The following SYNJ2 variants were observed in gnomAD, a reference collection of about 807,000 sequenced individuals.
SYNJ2 encodes polyphosphatidylinositol phosphatase SYNJ2.
SYNJ2 carries 116 observed loss-of-function variants against 141.3 expected under a neutral mutation model. The ratio of observed to expected loss-of-function variants is 0.82; its 90% CI spans 0.71 to 0.96. The LOEUF (loss-of-function observed/expected upper bound fraction) is 0.96. Ranked by LOEUF, SYNJ2 falls within the 40% of genes least tolerant of loss-of-function variation. The probability of loss-of-function intolerance (pLI) is 0.00; values close to 1 mark genes in which losing one functional copy is unlikely to be tolerated. For missense variants in SYNJ2, 1,873 were observed against 1,934.8 expected (o/e 0.97, Z 0.60); for synonymous variants, 745 against 777.7 (o/e 0.96, Z 0.70).
In SYNJ2 at chr6:158,070,313, C is replaced by T. The variant is rs1781839704; in HGVS notation, c.1940+640C>T. On this transcript the variant is annotated intron_variant, in intron 14 of 26. Coordinates refer to ENST00000355585, the MANE Select transcript of SYNJ2 (RefSeq NM_003898.4). The surrounding 1 kb of genome is among the most constrained non-coding windows in gnomAD (Gnocchi z 4.0). ...CTGGCAGCAGGCGTTGAACTGACCT[C>T]CCCACTGAGCCCCTGGGTCCCGGGA... 4 of 985,452 alleles carry T rather than the reference C, an allele frequency of 4.1e-6. No homozygotes were observed. The South Asian group carries it at 1.9e-4, about 46-fold the overall frequency. 61.0% of individuals were successfully genotyped at this position (985,452 alleles called of 1,614,324 possible). A position where few individuals can be genotyped will look rare whatever the true frequency, so the allele number is the denominator to read the frequency against.
intron 5 of SYNJ2, among the ~76,000 whole-genome samples, chr6:158,051,485 G>A (rs1434826321): frequency 1.3e-5 from 2 of 151,826 alleles, no homozygotes; most frequent in African/African-American, 4.8e-5. Flanking sequence ...AAGGACAGAG[G>A]TAACACAGGC....
intron 2 of SYNJ2, among the ~76,000 whole-genome samples, chr6:158,020,524 G>A (rs1778711928): frequency 6.8e-6 from 1 of 147,976 alleles, no homozygotes; most frequent in Non-Finnish European, 1.5e-5. Context: ...CTCCAACTGT[G>A]TACTGACTCT....
chr6:158,074,685 T>C lies in SYNJ2; in HGVS notation c.2239T>C (p.Trp747Arg). 2.5e-6 allele frequency: 4 copies of C among 1,614,044 alleles called. No homozygotes were observed. The highest frequency in any genetic ancestry group is 3.4e-6 in the Non-Finnish European group (4 of 1,179,984). Reference sequence around the variant, plus strand: ...CTTCTATTTTGTTAAACGCCAAGACTGGAAGAAACTTCTGGAATTTGATCA... The same window carrying C: ...CTTCTATTTTGTTAAACGCCAAGACCGGAAGAAACTTCTGGAATTTGATCA... The part of the protein sequence containing the change: ...EVFYFVKRQD[W>R]KKLLEFDQLQ... Residue 747 changes from tryptophan (W) to arginine (R), a missense_variant, in exon 16 of 27, where the codon TGG (tryptophan) becomes CGG (arginine). Trp to Arg is a moderately radical substitution (Grantham distance 101, BLOSUM62 -3). Transcript: ENST00000355585.
intron 5 of SYNJ2, among the ~76,000 whole-genome samples, chr6:158,045,965 C>T (rs1780214898): frequency 1.3e-5 from 2 of 151,992 alleles, no homozygotes; most frequent in Admixed American, 1.3e-4. Context: ...GTTTTTGAGA[C>T]GAAGTCTTGC....
In SYNJ2 at chr6:158,096,270, A is replaced by T; in HGVS notation, c.4397A>T (p.Asp1466Val). The change falls in exon 27 of 27, where the codon GAT (aspartate) becomes GTT (valine). Residue 1466 changes from aspartate to valine, a missense_variant. Coordinates refer to ENST00000355585, the MANE Select transcript of SYNJ2 (RefSeq NM_003898.4). ...GCTGCCAAGGCAGAGCTGCCACCAG[A>T]TCATGAACACAAAACCTTAGGTCAC... is the stretch of plus-strand genomic sequence containing the variant. ...ASAAKAELPPDHEHKTLGHWV... is the reference protein window; with the variant it reads ...ASAAKAELPPVHEHKTLGHWV... The T allele has an allele frequency of 6.2e-7, 1 of 1,614,232 alleles. No individual in the cohort carries two copies. The highest frequency in any genetic ancestry group is 8.5e-7 in the Non-Finnish European group (1 of 1,180,050).
chr6:158,098,847 T>A lies in SYNJ2; in HGVS notation c.*2483T>A, dbSNP rs1783917265. 1 of 152,246 alleles carries A rather than the reference T, an allele frequency of 6.6e-6. No individual in the cohort carries two copies. The allele number at this position is 152,246 out of a possible 1,614,324, so 9.4% of individuals were successfully genotyped here. On this transcript the variant is annotated 3_prime_UTR_variant, in exon 27 of 27. Coordinates refer to ENST00000355585, the MANE Select transcript of SYNJ2 (RefSeq NM_003898.4). ...CTCTGACCCCAAGCCTAGTCCCTTT[T>A]ACATCACCATCTTCTCAGACTTCTT...
chr6:158,069,460 G>A, intron 13 of SYNJ2, 73 bp from the exon 14 acceptor site: 1 of 1,548,360 alleles, frequency 6.5e-7, no homozygotes, highest in Non-Finnish European at 8.8e-7. Context: ...GCTTGGGCTG[G>A]AGCATTTGGT....
chr6:158,096,464 A>T lies in SYNJ2; in HGVS notation c.*100A>T, dbSNP rs2128405005. 1 of 1,377,202 alleles carries T rather than the reference A, an allele frequency of 7.3e-7. No homozygotes were observed. Among genetic ancestry groups the T allele is most frequent in the Non-Finnish European group, 9.7e-7 (1 of 1,031,380 alleles). The allele number at this position is 1,377,202 out of a possible 1,614,324, so 85.3% of individuals were successfully genotyped here. A position where few individuals can be genotyped will look rare whatever the true frequency, so the allele number is the denominator to read the frequency against. On this transcript the variant is annotated 3_prime_UTR_variant, in exon 27 of 27. Coordinates refer to ENST00000355585, the MANE Select transcript of SYNJ2 (RefSeq NM_003898.4). ...ACATCTATTTAAAGGCACACTGGCC[A>T]AAACGTTTGTGCATCTGTCACTCTC...
In SYNJ2 at chr6:157,983,910, C is replaced by A. The variant is rs531145761; in HGVS notation, c.127+1822C>A. ...TGGCACAGTCACAGCCCACTGCAGCCTCAACTTCCCAGGCTCAAGCGATCC... is the reference window on the plus strand; with the variant it reads ...TGGCACAGTCACAGCCCACTGCAGCATCAACTTCCCAGGCTCAAGCGATCC... On this transcript the variant is annotated intron_variant, in intron 1 of 26. Coordinates refer to ENST00000355585, the MANE Select transcript of SYNJ2 (RefSeq NM_003898.4). 9.9e-5 allele frequency among the ~76,000 whole-genome samples: 15 copies of A among 152,254 alleles called. No homozygotes were observed. The East Asian group carries it at 2.9e-3, about 29-fold the overall frequency.
intron 10 of SYNJ2, 27 bp downstream of exon 10, chr6:158,064,777 G>C (rs1781455032): frequency 6.2e-7 from 1 of 1,611,920 alleles, no homozygotes; most frequent in Non-Finnish European, 8.5e-7. Flanking sequence ...GGGGCAGGGT[G>C]GGGGCCCCAG....
At position 158,076,800 on chromosome 6, in the gene SYNJ2, G is replaced by A. The variant is rs376984153; in HGVS notation, c.2449+18G>A. On this transcript the variant is annotated intron_variant, in intron 17 of 26. Coordinates refer to ENST00000355585, the MANE Select transcript of SYNJ2 (RefSeq NM_003898.4). ...TAAAACAGGTGAGGGGGCCGTGCCCGTTCGAGAGTCGGCAGAGGGTGAATA... is the reference window on the plus strand; with the variant it reads ...TAAAACAGGTGAGGGGGCCGTGCCCATTCGAGAGTCGGCAGAGGGTGAATA... The A allele has an allele frequency of 2.8e-5, 44 of 1,596,070 alleles. No individual in the cohort carries two copies. In the East Asian group the frequency reaches 3.6e-4, roughly 13 times the overall value.
At chr6:158,047,801 A>AAAAAAAAC (rs1562355921) in intron 5 of SYNJ2, among the ~76,000 whole-genome samples, 1 of 149,838 alleles carries the variant, frequency 6.7e-6, no homozygotes, top group Non-Finnish European at 1.5e-5. Flanking sequence ...AAAAAAAAAA[A>AAAAAAAAC]AAAACACACA....
At chr6:158,004,929 C>T (rs1220394940) in intron 1 of SYNJ2, among the ~76,000 whole-genome samples, 1 of 152,064 alleles carries the variant, frequency 6.6e-6, no homozygotes, top group African/African-American at 2.4e-5. Flanking sequence ...AGGACCTTCG[C>T]CCCCTCTCCT....
At chr6:158,087,386 C>A (rs1048371117) in intron 23 of SYNJ2, among the ~76,000 whole-genome samples, 18 of 152,206 alleles carry the variant, frequency 1.2e-4, no homozygotes, top group African/African-American at 4.1e-4. Context: ...CCCAGGTCCC[C>A]GCCTGGAGGT....
Position 158,096,165 on chromosome 6 carries a change from C to G in SYNJ2, c.4292C>G (p.Ser1431Cys). 6.2e-7 allele frequency: 1 copy of G among 1,614,250 alleles called. No homozygotes were observed. The highest frequency in any genetic ancestry group is 1.3e-5 in the African/African-American group (1 of 75,060). ...AAACTGTTGAATAACACTTGGCTTT[C>G]TAAGAGCTCAGACCCTTTGGACTCA... Reference protein sequence around the residue: ...HPKLLNNTWLSKSSDPLDSGT... With the variant: ...HPKLLNNTWLCKSSDPLDSGT... Residue 1431 changes from serine (S) to cysteine (C), a missense_variant, in exon 27 of 27, where the codon TCT (serine) becomes TGT (cysteine). Physicochemically the swap from Ser to Cys is moderately radical, Grantham distance 112. Coordinates refer to ENST00000355585, the MANE Select transcript of SYNJ2 (RefSeq NM_003898.4).
chr6:158,084,178 G>A lies in SYNJ2; in HGVS notation c.3208+4G>A. ...AAGCAGCATCCAACGTACAAAGGTA[G>A]CCTGACCCTTCTTTTCTCAGGAGCC... On this transcript the variant is annotated splice_donor_region_variant and intron_variant, in intron 22 of 26. Transcript: ENST00000355585. This position sits in a 1 kb window ranked among gnomAD's most constrained non-coding sequence, Gnocchi z 5.0. 17 of 1,610,926 alleles carry A rather than the reference G, an allele frequency of 1.1e-5. No individual in the cohort carries two copies. Among genetic ancestry groups the A allele is most frequent in the Non-Finnish European group, 1.4e-5 (16 of 1,178,096 alleles).
chr6:158,066,300 G>A, intron 11 of SYNJ2, 144 bp from the exon 12 acceptor site: 1 of 895,074 alleles, frequency 1.1e-6, no homozygotes, highest in South Asian at 1.7e-5. Flanking sequence ...TAAGCCTTTT[G>A]TCGTCTTCGT....
chr6:158,005,710 C>G (rs546076013), intron 1 of SYNJ2, among the ~76,000 whole-genome samples: 3 of 152,076 alleles, frequency 2.0e-5, no homozygotes, highest in Non-Finnish European at 4.4e-5. Flanking sequence ...GTCCACTCCC[C>G]CACCCTCCCA....
chr6:158,001,933 C>G (rs1777879105), intron 1 of SYNJ2, among the ~76,000 whole-genome samples: 1 of 152,158 alleles, frequency 6.6e-6, no homozygotes, highest in African/African-American at 2.4e-5. Flanking sequence ...CACCTCATCT[C>G]TTGGTTTTCC....
Sources: gnomAD v4.1 joint callset for allele counts (sites outside exome capture counted in the v4.1 genomes callset) on GRCh38, gnomAD v4.1.1 for gene constraint, Gnocchi (gnomAD v3.1) non-coding constraint, MANE v1.5 for transcripts, NCBI Gene and HGNC (gene_info 2026-07-23, HGNC 2026-07-21) for gene names.